The following CDH4 variants were observed in gnomAD, a reference collection of about 807,000 sequenced individuals.
CDH4 encodes the protein cadherin 4.
CDH4 carries 33 observed loss-of-function variants against 86.0 expected under a neutral mutation model. The observed-to-expected ratio is 0.38, with a 90% CI of 0.29 to 0.51. CDH4 has a LOEUF of 0.51. CDH4 is among the 20% of genes least tolerant of loss of function. The pLI is 0.86. For missense variants in CDH4, 1,114 were observed against 1,307.4 expected, an observed-to-expected ratio of 0.85 and a Z score of 2.28; for synonymous variants, 555 against 549.4, an observed-to-expected ratio of 1.01 and a Z score of -0.14.
At chr20:61,270,902 T>G (rs1322205034) in intron 2 of CDH4, among the ~76,000 whole-genome samples, 2 of 152,208 alleles carry the variant, frequency 1.3e-5, no homozygotes, top group African/African-American at 4.8e-5. Flanking sequence ...GTTAAACGTT[T>G]ACCATCCTCT....
At chr20:61,925,631 C>G (rs1270800686) in intron 11 of CDH4, among the ~76,000 whole-genome samples, 2 of 152,184 alleles carry the variant, frequency 1.3e-5, no homozygotes, top group African/African-American at 4.8e-5. Context: ...GCTGACAGCC[C>G]GAGTGTGTCG....
chr20:61,363,149 G>A (rs901620622), intron 2 of CDH4, among the ~76,000 whole-genome samples: 1 of 152,198 alleles, frequency 6.6e-6, no homozygotes, highest in African/African-American at 2.4e-5. Flanking sequence ...CTGCCGGCAG[G>A]TTTGGAGGCT....
At chr20:61,697,912 CTT>C (rs2087732568) in intron 2 of CDH4, among the ~76,000 whole-genome samples, 2 of 152,234 alleles carry the variant, frequency 1.3e-5, no homozygotes, top group Admixed American at 1.3e-4. Flanking sequence ...TGTTTCTTCT[CTT>C]TTGCGGAGTA....
rs1411658402 is a variant in CDH4, at chr20:61,928,410, C to T, written c.1992C>T (p.Ile664=). ...CGGCCGTGCGGAAGAACTGGACCAT[C>T]ACCCGCCTGAACGGTGAGCCCGCCT... is the stretch of plus-strand genomic sequence containing the variant. ...VPAAVRKNWT[I]TRLNGDYAQL... is the part of the protein sequence containing the mutation. Residue 664 remains isoleucine, a synonymous_variant, in exon 12 of 16, where the codon ATC becomes ATT. Coordinates refer to ENST00000614565, the MANE Select transcript of CDH4 (RefSeq NM_001794.5). 1 of 1,611,924 alleles carries T rather than the reference C, an allele frequency of 6.2e-7. No individual in the cohort carries two copies. The highest frequency in any genetic ancestry group is 1.3e-5 in the African/African-American group (1 of 75,068).
chr20:61,567,338 A>G (rs2086306565), intron 2 of CDH4, among the ~76,000 whole-genome samples: 2 of 152,212 alleles, frequency 1.3e-5, no homozygotes, highest in South Asian at 4.1e-4. Flanking sequence ...TACTTTTCAC[A>G]GTTCTGGAGG....
intron 2 of CDH4, among the ~76,000 whole-genome samples, chr20:61,352,760 G>A (rs2084720824): frequency 6.6e-6 from 1 of 152,032 alleles, no homozygotes; most frequent in Non-Finnish European, 1.5e-5. Context: ...ACTCCCCCCG[G>A]TCACCTGCAC....
At chr20:61,769,309 A>AT (rs1172538821) in intron 3 of CDH4, among the ~76,000 whole-genome samples, 1 of 152,186 alleles carries the variant, frequency 6.6e-6, no homozygotes, top group Non-Finnish European at 1.5e-5. Flanking sequence ...TGCATTCCTA[A>AT]TGAGCTCCAC....
chr20:61,835,895 G>A (rs1335604833), intron 4 of CDH4, among the ~76,000 whole-genome samples: 1 of 152,220 alleles, frequency 6.6e-6, no homozygotes, highest in Admixed American at 6.5e-5. Flanking sequence ...ACAGCACCAG[G>A]TCAGGCAAAG....
At chr20:61,633,618 A>T (rs528306784) in intron 2 of CDH4, among the ~76,000 whole-genome samples, 1 of 152,338 alleles carries the variant, frequency 6.6e-6, no homozygotes, top group Admixed American at 6.5e-5. Context: ...GAGACCATCT[A>T]TCATGGTGGT....
At chr20:61,678,246 T>C (rs1334861372) in intron 2 of CDH4, among the ~76,000 whole-genome samples, 1 of 151,854 alleles carries the variant, frequency 6.6e-6, no homozygotes, top group South Asian at 2.1e-4. Context: ...TATGGATGGA[T>C]AGATAGATGG....
intron 3 of CDH4, among the ~76,000 whole-genome samples, chr20:61,763,226 G>A (rs1171106620): frequency 6.6e-6 from 1 of 152,164 alleles, no homozygotes; most frequent in Non-Finnish European, 1.5e-5. Flanking sequence ...TCTCTTGAGG[G>A]TAATGACTTC....
At chr20:61,303,122 A>G (rs757278844) in intron 2 of CDH4, among the ~76,000 whole-genome samples, 3 of 152,208 alleles carry the variant, frequency 2.0e-5, no homozygotes, top group Non-Finnish European at 4.4e-5. Flanking sequence ...TGGTGACGTT[A>G]CGGCCACAGT....
intron 2 of CDH4, among the ~76,000 whole-genome samples, chr20:61,456,954 G>A (rs964760276): frequency 2.0e-5 from 3 of 152,262 alleles, no homozygotes; most frequent in South Asian, 2.1e-4. Context: ...ATGGAAACTC[G>A]CTGCACAAAG....
chr20:61,270,928 G>A (rs1477011496), intron 2 of CDH4, among the ~76,000 whole-genome samples: 2 of 152,144 alleles, frequency 1.3e-5, no homozygotes, highest in Admixed American at 6.5e-5. Flanking sequence ...CATAGTCTGG[G>A]AAACTTTCTG....
intron 2 of CDH4, among the ~76,000 whole-genome samples, chr20:61,304,801 TTG>T (rs923913047): frequency 1.1e-4 from 17 of 151,610 alleles, no homozygotes; most frequent in African/African-American, 4.1e-4. Flanking sequence ...AATGCATGTA[TTG>T]TGTGTGGGGA....
At chr20:61,682,292 G>A (rs1360377355) in intron 2 of CDH4, among the ~76,000 whole-genome samples, 2 of 151,894 alleles carry the variant, frequency 1.3e-5, no homozygotes, top group Admixed American at 6.6e-5. Flanking sequence ...ACAGGTGGAT[G>A]AATGGACAAA....
intron 2 of CDH4, among the ~76,000 whole-genome samples, chr20:61,367,836 T>C (rs539296129): frequency 7.3e-5 from 11 of 150,670 alleles, no homozygotes; most frequent in Middle Eastern, 3.5e-3. Flanking sequence ...ATGTATATTG[T>C]ACATTGCCTG....
chr20:61,498,405 G>T (rs114156306), intron 2 of CDH4, among the ~76,000 whole-genome samples: 1 of 152,190 alleles, frequency 6.6e-6, no homozygotes, highest in African/African-American at 2.4e-5. Context: ...TAGTGTAATC[G>T]ATAATGCTAT....
chr20:61,533,019 C>T (rs1332895636), intron 2 of CDH4, among the ~76,000 whole-genome samples: 2 of 152,240 alleles, frequency 1.3e-5, no homozygotes, highest in African/African-American at 2.4e-5. Context: ...TTCCAAATGG[C>T]CTCTTCTGCA....
Sources: allele counts gnomAD v4.1 joint callset (sites outside exome capture counted in the v4.1 genomes callset), GRCh38; gene constraint gnomAD v4.1.1; transcripts MANE v1.5; gene names NCBI Gene and HGNC (gene_info 2026-07-23, HGNC 2026-07-21).